Variants in KMT2A observed in about 807,000 individuals in gnomAD.
KMT2A encodes histone-lysine N-methyltransferase 2A.
In KMT2A, 16 loss-of-function variants were observed where a neutral mutation model predicts 345.3. The observed-to-expected ratio is 0.05, with a 90% CI of 0.03 to 0.07. The LOEUF is 0.07. Among genes scored for constraint, KMT2A ranks in the 10% least tolerant of loss-of-function variants. The probability of loss-of-function intolerance (pLI) is 1.00; values close to 1 mark genes in which losing one functional copy is unlikely to be tolerated. For synonymous variants in KMT2A, 1,599 were observed against 1,778.6 expected (o/e 0.90, Z 2.54); for missense variants, 3,272 against 4,841.6 (o/e 0.68, Z 9.62).
At chr11:118,461,977 A>G (rs962654842) in intron 1 of KMT2A, among the ~76,000 whole-genome samples, 3 of 151,958 alleles carry the variant, frequency 2.0e-5, no homozygotes, top group African/African-American at 4.8e-5. Flanking sequence ...TTTGAGACGG[A>G]GTTTTGCTTT....
At chr11:118,485,089 CA>C in intron 10 of KMT2A, 114 bp downstream of exon 10, 1 of 700,698 alleles carries the variant, frequency 1.4e-6, no homozygotes, top group South Asian at 1.7e-5. Flanking sequence ...CTGTTTAAAC[CA>C]GCTAAAGAAA....
chr11:118,503,746 G>A lies in KMT2A; in HGVS notation c.7854G>A (p.Arg2618=), dbSNP rs1278444534. 7 of 1,614,088 alleles carry A rather than the reference G, an allele frequency of 4.3e-6. No homozygotes were observed. The African/African-American group carries it at 5.3e-5, about 12-fold the overall frequency. Residue 2618 remains arginine (R), a synonymous_variant, in exon 27 of 36, where the codon AGG becomes AGA. Coordinates refer to ENST00000534358, the MANE Select transcript of KMT2A (RefSeq NM_001197104.2). This position sits in a 1 kb window ranked among gnomAD's most constrained non-coding sequence, Gnocchi z 5.3. ...KPQEDGSFKR[R]YPRRSARARS... ...AGGAGGATGGCTCTTTTAAAAGGAG[G>A]TATCCCCGTCGCAGTGCCCGTGCAC...
chr11:118,482,018 G>A lies in KMT2A; in HGVS notation c.3938G>A (p.Gly1313Glu). 2 of 1,614,078 alleles carry A rather than the reference G, an allele frequency of 1.2e-6. No individual in the cohort carries two copies. The highest frequency in any genetic ancestry group is 1.7e-6 in the Non-Finnish European group (2 of 1,179,994). The change falls in exon 7 of 36, where the codon GGA (glycine) becomes GAA (glutamate). Residue 1313 changes from glycine (G) to glutamate (E), a missense_variant. This residue lies in a region of KMT2A where 168 missense variants were observed against 216.0 expected (regional missense o/e 0.78). Transcript: ENST00000534358. Reference sequence around the variant, plus strand: ...ATCCCGCCTCAGCCACCTACTACAGGACCGCCAAGAAAAGAAGTTCCCAAA... The same window carrying A: ...ATCCCGCCTCAGCCACCTACTACAGAACCGCCAAGAAAAGAAGTTCCCAAA... Reference protein sequence around the residue: ...LVIPPQPPTTGPPRKEVPKTT... With the variant: ...LVIPPQPPTTEPPRKEVPKTT...
chr11:118,474,371 G>GGC, intron 3 of KMT2A, 56 bp downstream of exon 3: 6 of 1,559,590 alleles, frequency 3.8e-6, no homozygotes, highest in Non-Finnish European at 5.2e-6. Flanking sequence ...CCTTTCTATG[G>GGC]GCAAGTTTTA....
chr11:118,446,737 C>G (rs1949429908), intron 1 of KMT2A, among the ~76,000 whole-genome samples: 1 of 152,124 alleles, frequency 6.6e-6, no homozygotes, highest in Non-Finnish European at 1.5e-5. Context: ...ATCTTTTCAC[C>G]CTACACAGTG....
At chr11:118,474,586 A>G (rs1429394493) in intron 3 of KMT2A, among the ~76,000 whole-genome samples, 2 of 152,220 alleles carry the variant, frequency 1.3e-5, no homozygotes, top group South Asian at 4.1e-4. Flanking sequence ...CTGGATTGGC[A>G]TCTGTGGAAA....
Position 118,522,494 on chromosome 11 carries a change from A to T in KMT2A, c.*322A>T. 1 of 308,694 alleles carries T rather than the reference A, an allele frequency of 3.2e-6. No individual in the cohort carries two copies. The allele number at this position is 308,694 out of a possible 1,614,324, so 19.1% of individuals were successfully genotyped here. ...ATTATAGAGGGTTGGTTATGTTGGG[A>T]GATTGGGCCTGAATTTCTCCACAGA... On this transcript the variant is annotated 3_prime_UTR_variant, in exon 36 of 36. Transcript: ENST00000534358. This position sits in a 1 kb window ranked among gnomAD's most constrained non-coding sequence, Gnocchi z 5.4.
chr11:118,449,525 G>T (rs1949488117), intron 1 of KMT2A: 1 of 149,224 alleles, frequency 6.7e-6, no homozygotes, highest in Non-Finnish European at 1.5e-5. Flanking sequence ...GGTCGAGGCT[G>T]CAGTGAGCCA....
intron 29 of KMT2A, among the ~76,000 whole-genome samples, chr11:118,509,460 C>A (rs1453582156): frequency 6.6e-6 from 1 of 152,054 alleles, no homozygotes; most frequent in Admixed American, 6.5e-5. Context: ...ACTGGTTTTA[C>A]CAGCACTGAG....
intron 1 of KMT2A, among the ~76,000 whole-genome samples, chr11:118,447,232 T>A (rs916852681): frequency 2.0e-5 from 3 of 152,248 alleles, no homozygotes; most frequent in Admixed American, 2.0e-4. Flanking sequence ...TGTGTCTGTC[T>A]TTGTCCCATT....
chr11:118,447,312 T>C (rs1949443137), intron 1 of KMT2A, among the ~76,000 whole-genome samples: 1 of 152,244 alleles, frequency 6.6e-6, no homozygotes, highest in Non-Finnish European at 1.5e-5. Context: ...TTTATAATGG[T>C]GACTTTTTAT....
Position 118,506,092 on chromosome 11 carries a change from G to T in KMT2A, c.10200G>T (p.Val3400=), listed in dbSNP as rs782370583. 1.2e-6 allele frequency: 2 copies of T among 1,614,132 alleles called. No individual in the cohort carries two copies. Among genetic ancestry groups the T allele is most frequent in the Non-Finnish European group, 1.7e-6 (2 of 1,180,038 alleles). ...QQSLGIQDQP[V]ALPPSSGMFP... The stretch of plus-strand genomic sequence containing the variant: ...GCCTGGGGATTCAGGACCAGCCTGT[G>T]GCTTTACCGCCAAGTTCAGGAATGT... The change falls in exon 27 of 36, where the codon GTG becomes GTT. Residue 3400 remains valine (V), a synonymous_variant. Coordinates refer to ENST00000534358, the MANE Select transcript of KMT2A (RefSeq NM_001197104.2).
chr11:118,472,957 T>A lies in KMT2A; in HGVS notation c.1798T>A (p.Ser600Thr). The change falls in exon 3 of 36, where the codon TCC becomes ACC. Residue 600 changes from serine (S) to threonine (T), a missense_variant. Physicochemically the swap from Ser to Thr is moderately conservative, Grantham distance 58 (BLOSUM62 1). Transcript: ENST00000534358. ...IPLASPFLPA[S>T]TAPMQGKRKS... is the part of the protein sequence containing the mutation. ...CTTAGCATCACCATTTTTGCCTGCT[T>A]CCACTGCTCCTATGCAAGGGAAGCG... 2 of 1,614,058 alleles carry A rather than the reference T, an allele frequency of 1.2e-6. No individual in the cohort carries two copies. Among genetic ancestry groups the A allele is most frequent in the Non-Finnish European group, 1.7e-6 (2 of 1,180,006 alleles).
At chr11:118,508,539 C>A (rs1555049226) in intron 28 of KMT2A, among the ~76,000 whole-genome samples, 3 of 151,900 alleles carry the variant, frequency 2.0e-5, no homozygotes, top group African/African-American at 7.3e-5. Flanking sequence ...GAGTTTGAAA[C>A]CAACCTTGGC....
chr11:118,517,386 ACT>A (rs1400900482), intron 31 of KMT2A, among the ~76,000 whole-genome samples: 2 of 117,142 alleles, frequency 1.7e-5, no homozygotes, highest in Non-Finnish European at 3.5e-5. Context: ...ACAGGGTGAG[ACT>A]CTGTCTCAAA....
intron 31 of KMT2A, among the ~76,000 whole-genome samples, chr11:118,517,876 T>C (rs1239796250): frequency 1.3e-5 from 2 of 152,096 alleles, no homozygotes; most frequent in African/African-American, 4.8e-5. Context: ...GACAACATTC[T>C]TTTTGTTTGT....
At chr11:118,517,396 A>C (rs1555051890) in intron 31 of KMT2A, among the ~76,000 whole-genome samples, 1 of 8,636 alleles carries the variant, frequency 1.2e-4, no homozygotes, top group Non-Finnish European at 8.0e-4. Context: ...ACTCTGTCTC[A>C]AAAAAAAAAA....
In KMT2A at chr11:118,520,776, C is replaced by T. The variant is rs548528154; in HGVS notation, c.11430-26C>T. 18 of 1,557,924 alleles carry T rather than the reference C, an allele frequency of 1.2e-5. No homozygotes were observed. The highest frequency in any genetic ancestry group is 1.1e-4 in the African/African-American group (8 of 73,912). On this transcript the variant is annotated intron_variant, in intron 33 of 35. Coordinates refer to ENST00000534358, the MANE Select transcript of KMT2A (RefSeq NM_001197104.2). This position sits in a 1 kb window ranked among gnomAD's most constrained non-coding sequence, Gnocchi z 4.3. ...AAAACATTATTTCCTGAAAAAAATTCGTTAATAGTATGTCTTATCTCTTAG... is the reference window on the plus strand; with the variant it reads ...AAAACATTATTTCCTGAAAAAAATTTGTTAATAGTATGTCTTATCTCTTAG...
chr11:118,467,525 A>C (rs1245252501), intron 1 of KMT2A, among the ~76,000 whole-genome samples: 1 of 152,236 alleles, frequency 6.6e-6, no homozygotes, highest in Non-Finnish European at 1.5e-5. Flanking sequence ...TCAGTTGCCT[A>C]GTATGCAAAG....
Sources: allele counts gnomAD v4.1 joint callset (sites outside exome capture counted in the v4.1 genomes callset), GRCh38; gene constraint gnomAD v4.1.1; regional missense constraint gnomAD v4.1.1; non-coding constraint Gnocchi (gnomAD v3.1); transcripts MANE v1.5; gene names NCBI Gene and HGNC (gene_info 2026-07-23, HGNC 2026-07-21).